TSPAN3: variants seen among roughly 807,000 people sequenced by gnomAD.
TSPAN3 encodes tetraspanin 3, also known as tetraspanin-3.
TSPAN3 carries 9 observed loss-of-function variants against 31.1 expected under a neutral mutation model. The observed-to-expected ratio is 0.29, with a 90% CI of 0.17 to 0.50. The LOEUF is 0.50. Ranked by LOEUF, TSPAN3 falls within the 20% of genes least tolerant of loss-of-function variation. TSPAN3 has a pLI of 0.98. For missense variants in TSPAN3, 252 were observed against 313.5 expected, an observed-to-expected ratio of 0.80 and a Z score of 1.48; for synonymous variants, 129 against 114.3, an observed-to-expected ratio of 1.13 and a Z score of -0.82.
chr15:77,066,571 C>CAAAAAAAAAAAAAA (rs35737479), intron 1 of TSPAN3, among the ~76,000 whole-genome samples: 7 of 59,374 alleles, frequency 1.2e-4, no homozygotes, highest in African/African-American at 4.5e-4. Flanking sequence ...GACTTCGTCT[C>CAAAAAAAAAAAAAA]AAAAAAAAAA....
rs370221546 is a variant in TSPAN3, at chr15:77,046,788, C to T, written c.*47G>A. The T allele has an allele frequency of 1.4e-6, 2 of 1,433,072 alleles. No homozygotes were observed. The highest frequency in any genetic ancestry group is 2.8e-5 in the African/African-American group (2 of 70,758). 88.8% of individuals were successfully genotyped at this position (1,433,072 alleles called of 1,614,324 possible). ...AACAGCAGCAGACCTGCTCAATTCACCTTCCAAATCAGAACAAGACCAAAA... is the reference window on the plus strand; with the variant it reads ...AACAGCAGCAGACCTGCTCAATTCATCTTCCAAATCAGAACAAGACCAAAA... On this transcript the variant is annotated 3_prime_UTR_variant, in exon 7 of 7. Transcript: ENST00000267970.
chr15:77,051,075 T>A (rs182260140), intron 6 of TSPAN3, among the ~76,000 whole-genome samples: 10,598 of 150,744 alleles, frequency 0.07, 991 homozygotes, highest in African/African-American at 0.22. Flanking sequence ...TTAAAAAAAA[T>A]TTTTTTTTTG....
intron 6 of TSPAN3, among the ~76,000 whole-genome samples, chr15:77,048,850 T>C (rs762247427): frequency 2.0e-5 from 3 of 151,996 alleles, no homozygotes; most frequent in Non-Finnish European, 4.4e-5. Flanking sequence ...CAAAGTAAAA[T>C]GTTCTATGAT....
chr15:77,066,970 GGGGGCTGA>G (rs1386097861), intron 1 of TSPAN3, among the ~76,000 whole-genome samples: 1 of 152,070 alleles, frequency 6.6e-6, no homozygotes, highest in African/African-American at 2.4e-5. Context: ...CACGTGGTGA[GGGGGCTGA>G]GTATGCTGGC....
intron 4 of TSPAN3, among the ~76,000 whole-genome samples, chr15:77,053,345 G>C (rs2076744117): frequency 6.6e-6 from 1 of 150,762 alleles, no homozygotes; most frequent in Non-Finnish European, 1.5e-5. Flanking sequence ...AAAATACAAA[G>C]GCTGAGGCAG....
At chr15:77,061,735 G>C (rs370989355) in intron 1 of TSPAN3, among the ~76,000 whole-genome samples, 2 of 152,160 alleles carry the variant, frequency 1.3e-5, no homozygotes, top group South Asian at 2.1e-4. Context: ...AGGACATTTT[G>C]GGCGAAGCTG....
chr15:77,054,155 A>C, intron 4 of TSPAN3, 23 bp downstream of exon 4: 1 of 1,583,816 alleles, frequency 6.3e-7, no homozygotes, highest in Non-Finnish European at 8.7e-7. Context: ...CCTCAAAAAC[A>C]AATCTGCCTC....
chr15:77,065,645 G>A (rs531261847), intron 1 of TSPAN3, among the ~76,000 whole-genome samples: 1 of 152,208 alleles, frequency 6.6e-6, no homozygotes, highest in Non-Finnish European at 1.5e-5. Flanking sequence ...TCAGGAGGGT[G>A]ATCTGCCACC....
intron 1 of TSPAN3, chr15:77,064,316 TTACTC>T (rs932219866): frequency 6.6e-5 from 10 of 152,154 alleles, no homozygotes; most frequent in African/African-American, 2.4e-4. Context: ...GGGACTGTGT[TTACTC>T]TATTTCTCAA....
chr15:77,060,874 G>C (rs988561765), intron 1 of TSPAN3, among the ~76,000 whole-genome samples: 1 of 152,024 alleles, frequency 6.6e-6, no homozygotes, highest in Non-Finnish European at 1.5e-5. Context: ...GGAAATTTAG[G>C]CAAAAGGCTG....
rs2076676481 is a variant in TSPAN3, at chr15:77,044,288, G to A, written c.*2547C>T. 6.6e-6 allele frequency: 1 copy of A among 152,186 alleles called. No individual in the cohort carries two copies. The highest frequency in any genetic ancestry group is 2.4e-5 in the African/African-American group (1 of 41,440). The allele number at this position is 152,186 out of a possible 1,614,324, so 9.4% of individuals were successfully genotyped here. ...TCACTCACTAAATTTCAGACATGACGAGCAGTGCTTTTGCTCTCTGAAGAA... is the reference window on the plus strand; with the variant it reads ...TCACTCACTAAATTTCAGACATGACAAGCAGTGCTTTTGCTCTCTGAAGAA... On this transcript the variant is annotated 3_prime_UTR_variant, in exon 7 of 7. Transcript: ENST00000267970.
chr15:77,055,523 T>C, intron 3 of TSPAN3: 1 of 306,748 alleles, frequency 3.3e-6, no homozygotes, highest in Non-Finnish European at 6.0e-6. Context: ...TGAGGAAATC[T>C]GAACAAACTT....
chr15:77,055,026 T>C lies in TSPAN3; in HGVS notation c.331-747A>G, dbSNP rs1231630412. 3 of 151,556 alleles carry C rather than the reference T, an allele frequency of 2.0e-5. No homozygotes were observed. The East Asian group carries it at 5.8e-4, about 29-fold the overall frequency. 9.4% of individuals were successfully genotyped at this position (151,556 alleles called of 1,614,324 possible). A position where few individuals can be genotyped will look rare whatever the true frequency, so the allele number is the denominator to read the frequency against. The stretch of plus-strand genomic sequence containing the variant: ...AGATCATAGGTAGGGACATAATCCA[T>C]TGCATTTTTTTTTTAGCACAGCTTT... On this transcript the variant is annotated intron_variant, in intron 3 of 6. Transcript: ENST00000267970.
At chr15:77,056,530 C>T (rs1475665693) in intron 1 of TSPAN3, among the ~76,000 whole-genome samples, 17 of 152,114 alleles carry the variant, frequency 1.1e-4, no homozygotes, top group East Asian at 1.9e-4. Flanking sequence ...CACACCTACA[C>T]ATCCCTAAAG....
intron 1 of TSPAN3, chr15:77,067,917 A>C (rs909327568): frequency 7.9e-5 from 12 of 152,206 alleles, no homozygotes; most frequent in African/African-American, 2.9e-4. Flanking sequence ...AGTATGGGAC[A>C]ACCTGGGTTT....
intron 6 of TSPAN3, 152 bp downstream of exon 6, chr15:77,052,233 T>C: frequency 1.5e-6 from 1 of 669,102 alleles, no homozygotes; most frequent in East Asian, 2.7e-5. Flanking sequence ...AGACAAGAAA[T>C]GGAAAACATG....
chr15:77,049,353 T>G (rs536099737), intron 6 of TSPAN3, among the ~76,000 whole-genome samples: 1 of 152,270 alleles, frequency 6.6e-6, no homozygotes, highest in East Asian at 1.9e-4. Flanking sequence ...CTGCTCTTGA[T>G]CGTTCTATCT....
chr15:77,046,633 A>AT lies in TSPAN3; in HGVS notation c.*201dup. ...CCATCGTACTTAAAATCTTAGGGGC[A>AT]TGAAGAGTCAGCTAGAACAAGGAAA... On this transcript the variant is annotated 3_prime_UTR_variant, in exon 7 of 7. Transcript: ENST00000267970. 2 of 563,374 alleles carry AT rather than the reference A, an allele frequency of 3.6e-6. No individual in the cohort carries two copies. Among genetic ancestry groups the AT allele is most frequent in the Non-Finnish European group, 6.3e-6 (2 of 318,554 alleles). The allele number at this position is 563,374 out of a possible 1,614,324, so 34.9% of individuals were successfully genotyped here.
intron 3 of TSPAN3, chr15:77,055,022 T>C (rs1261316675): frequency 6.6e-6 from 1 of 151,736 alleles, no homozygotes; most frequent in African/African-American, 2.4e-5. Context: ...AGGGACATAA[T>C]CCATTGCATT....
Sources: allele counts gnomAD v4.1 joint callset (sites outside exome capture counted in the v4.1 genomes callset), GRCh38; gene constraint gnomAD v4.1.1; transcripts MANE v1.5; gene names NCBI Gene and HGNC (gene_info 2026-07-23, HGNC 2026-07-21).